The following GPM6A variants were observed in gnomAD, a reference collection of about 807,000 sequenced individuals.
GPM6A encodes the protein glycoprotein M6A.
In GPM6A, 7 loss-of-function variants were observed where a neutral mutation model predicts 32.1. That is an observed-to-expected ratio of 0.22 (90% CI 0.12 to 0.41). GPM6A has a LOEUF of 0.41. GPM6A is among the 10% of genes least tolerant of loss of function. The pLI, the probability that GPM6A is intolerant of heterozygous loss-of-function variation, is 1.00. For synonymous variants in GPM6A, 130 were observed against 123.4 expected (o/e 1.05, Z -0.35); for missense variants, 235 against 347.2 (o/e 0.68, Z 2.57).
chr4:175,899,138 C>A (rs1737879631), intron 1 of GPM6A, among the ~76,000 whole-genome samples: 1 of 152,092 alleles, frequency 6.6e-6, no homozygotes. Context: ...CTTCCTCTCC[C>A]CTCTATTGCA....
At chr4:175,762,366 CATTT>C (rs1732782600) in intron 1 of GPM6A, among the ~76,000 whole-genome samples, 2 of 152,300 alleles carry the variant, frequency 1.3e-5, no homozygotes, top group South Asian at 2.1e-4. Context: ...TTTATTCACT[CATTT>C]ATTTATTCTT....
chr4:175,966,325 C>T (rs1740333657), intron 1 of GPM6A, among the ~76,000 whole-genome samples: 1 of 151,774 alleles, frequency 6.6e-6, no homozygotes, highest in Non-Finnish European at 1.5e-5. Context: ...TCTCTTGAGC[C>T]CATGAGGTGA....
intron 1 of GPM6A, among the ~76,000 whole-genome samples, chr4:175,798,126 T>G (rs1270127798): frequency 6.6e-6 from 1 of 152,200 alleles, no homozygotes; most frequent in Non-Finnish European, 1.5e-5. Flanking sequence ...ATGGTACCGC[T>G]ATACTTGTGT....
intron 1 of GPM6A, among the ~76,000 whole-genome samples, chr4:175,873,289 T>A (rs1052414170): frequency 5.3e-5 from 8 of 152,044 alleles, no homozygotes; most frequent in Non-Finnish European, 8.8e-5. Context: ...TCTAGAAAAT[T>A]TATCAGCAAG....
intron 1 of GPM6A, among the ~76,000 whole-genome samples, chr4:175,972,569 G>T (rs1056561660): frequency 4.6e-5 from 7 of 152,158 alleles, no homozygotes; most frequent in African/African-American, 1.7e-4. Context: ...AATAAAATCT[G>T]AAATGGTAAT....
chr4:175,689,875 C>T (rs1213787191), intron 2 of GPM6A, among the ~76,000 whole-genome samples: 1 of 152,162 alleles, frequency 6.6e-6, no homozygotes, highest in Non-Finnish European at 1.5e-5. Context: ...GAGACAGAAA[C>T]CAGTCCCTCA....
intron 1 of GPM6A, among the ~76,000 whole-genome samples, chr4:175,744,159 T>C (rs932666587): frequency 1.3e-5 from 2 of 152,046 alleles, no homozygotes; most frequent in African/African-American, 2.4e-5. Context: ...AAATATACAA[T>C]GTTTCCTCAC....
chr4:175,718,310 C>G (rs954784040), intron 1 of GPM6A, among the ~76,000 whole-genome samples: 1 of 152,056 alleles, frequency 6.6e-6, no homozygotes, highest in African/African-American at 2.4e-5. Context: ...GTAAACTAAT[C>G]TAGAAAAAGA....
chr4:175,803,164 TTCATCATCA>T (rs5864348), intron 1 of GPM6A, among the ~76,000 whole-genome samples: 34 of 145,620 alleles, frequency 2.3e-4, no homozygotes, highest in South Asian at 1.8e-3. Context: ...CTGTTCTCGT[TTCATCATCA>T]TCATCATCAT....
At chr4:175,906,149 T>C (rs1313243296) in intron 1 of GPM6A, among the ~76,000 whole-genome samples, 1 of 152,108 alleles carries the variant, frequency 6.6e-6, no homozygotes, top group Non-Finnish European at 1.5e-5. Context: ...GCAAGAAGCA[T>C]TGAAATTCAA....
At position 175,722,828 on chromosome 4, in the gene GPM6A, G is replaced by A. The variant is rs559556402; in HGVS notation, c.38-21061C>T. On this transcript the variant is annotated intron_variant, in intron 1 of 6. Coordinates refer to ENST00000393658, the MANE Select transcript of GPM6A (RefSeq NM_201591.3). ...GGAGGCTAAGGCGGGCGAATCGCTT[G>A]AGCCCAGGAGTTCGAGGCCTGTCTG... Among the ~76,000 whole-genome samples, 5 of 152,114 alleles carry A rather than the reference G, an allele frequency of 3.3e-5. No homozygotes were observed. The South Asian group carries it at 1.0e-3, about 32-fold the overall frequency.
intron 1 of GPM6A, among the ~76,000 whole-genome samples, chr4:175,827,701 A>G (rs1445802124): frequency 6.6e-6 from 1 of 152,210 alleles, no homozygotes; most frequent in African/African-American, 2.4e-5. Context: ...GTAAGGAGCA[A>G]TCAGAGTTTC....
chr4:175,984,010 GTCTC>G (rs1213976224), intron 1 of GPM6A, among the ~76,000 whole-genome samples: 11 of 135,026 alleles, frequency 8.1e-5, no homozygotes, highest in Non-Finnish European at 1.1e-4. Context: ...CTCTCTCTCT[GTCTC>G]TCTCTCTGTC....
chr4:175,871,991 A>G (rs988751369), intron 1 of GPM6A, among the ~76,000 whole-genome samples: 1 of 152,154 alleles, frequency 6.6e-6, no homozygotes, highest in African/African-American at 2.4e-5. Flanking sequence ...TCCACTGGGA[A>G]TTTACAATTA....
At chr4:175,691,904 C>T (rs865862565) in intron 2 of GPM6A, among the ~76,000 whole-genome samples, 2 of 152,132 alleles carry the variant, frequency 1.3e-5, no homozygotes, top group African/African-American at 2.4e-5. Context: ...TTTGAAGATG[C>T]CACACTGCTG....
At chr4:175,677,221 A>AT (rs780592159) in intron 2 of GPM6A, among the ~76,000 whole-genome samples, 5 of 152,168 alleles carry the variant, frequency 3.3e-5, no homozygotes, top group Non-Finnish European at 5.9e-5. Flanking sequence ...GAATGAACAC[A>AT]TTTTTGCTAT....
intron 2 of GPM6A, among the ~76,000 whole-genome samples, chr4:175,675,827 T>C (rs1560868155): frequency 6.6e-6 from 1 of 152,058 alleles, no homozygotes; most frequent in East Asian, 1.9e-4. Flanking sequence ...TTTCTTCGTT[T>C]TTTTTGTAGA....
chr4:175,853,086 A>C (rs1736309097), intron 1 of GPM6A, among the ~76,000 whole-genome samples: 2 of 152,142 alleles, frequency 1.3e-5, no homozygotes, highest in African/African-American at 4.8e-5. Context: ...ATACAGGACT[A>C]CAGAACACTA....
At chr4:175,720,365 A>C (rs1345758423) in intron 1 of GPM6A, among the ~76,000 whole-genome samples, 3 of 152,198 alleles carry the variant, frequency 2.0e-5, no homozygotes, top group Non-Finnish European at 4.4e-5. Flanking sequence ...CTCATTTTCA[A>C]TTCCTATCAG....
Sources: gnomAD v4.1 joint callset for allele counts (sites outside exome capture counted in the v4.1 genomes callset) on GRCh38, gnomAD v4.1.1 for gene constraint, MANE v1.5 for transcripts, NCBI Gene and HGNC (gene_info 2026-07-23, HGNC 2026-07-21) for gene names.